Variants in AKT1 observed in about 807,000 individuals in gnomAD.
The protein encoded by AKT1 is RAC-alpha serine/threonine-protein kinase.
Under a neutral mutation model 63.1 loss-of-function variants are expected in AKT1, and 21 were observed. The ratio of observed to expected loss-of-function variants is 0.33; its 90% CI spans 0.24 to 0.48. The LOEUF is 0.48. Among genes scored for constraint, AKT1 ranks in the 20% least tolerant of loss-of-function variants. The probability of loss-of-function intolerance (pLI) is 0.99; values close to 1 mark genes in which losing one functional copy is unlikely to be tolerated. For missense variants in AKT1, 382 were observed against 666.0 expected (o/e 0.57, Z 4.69); for synonymous variants, 257 against 253.1 (o/e 1.02, Z -0.15).
intron 3 of AKT1, among the ~76,000 whole-genome samples, chr14:104,781,805 C>T (rs1160669205): frequency 1.3e-5 from 2 of 152,184 alleles, no homozygotes; most frequent in Non-Finnish European, 2.9e-5. Context: ...ACAGCCACAG[C>T]CCACTCATAG....
chr14:104,774,238 A>C, intron 8 of AKT1: 1 of 517,394 alleles, frequency 1.9e-6, no homozygotes, highest in African/African-American at 1.9e-5. Context: ...GCCCCACACC[A>C]CACTGCCCCA....
chr14:104,777,487 T>G (rs1280298867), intron 4 of AKT1: 2 of 958,922 alleles, frequency 2.1e-6, no homozygotes, highest in Non-Finnish European at 2.5e-6. Flanking sequence ...TAGCCACATC[T>G]GGGGCACACG....
chr14:104,771,182 GTTTTCTTAT>G, intron 13 of AKT1: 2 of 320,496 alleles, frequency 6.2e-6, no homozygotes, highest in Non-Finnish European at 5.8e-6. Context: ...TTTCTTTCTT[GTTTTCTTAT>G]TTTTCTTATT....
chr14:104,788,213 C>A (rs1279187500), intron 3 of AKT1, among the ~76,000 whole-genome samples: 1 of 152,180 alleles, frequency 6.6e-6, no homozygotes, highest in Non-Finnish European at 1.5e-5. Context: ...CTAGACGCAG[C>A]CTGGGGTTGA....
At chr14:104,774,066 CCA>C (rs1892562397) in intron 8 of AKT1, 86 bp from the exon 9 acceptor site, 1 of 1,330,824 alleles carries the variant, frequency 7.5e-7, no homozygotes, top group Non-Finnish European at 1.1e-6. Flanking sequence ...CTGCTTGATA[CCA>C]CGTCGCCTGA....
intron 3 of AKT1, among the ~76,000 whole-genome samples, chr14:104,782,890 G>A (rs566385051): frequency 3.9e-5 from 6 of 152,134 alleles, no homozygotes; most frequent in Admixed American, 6.5e-5. Context: ...GGATCACTTG[G>A]GGGGGTGCCA....
chr14:104,787,378 T>A (rs1595259526), intron 3 of AKT1, among the ~76,000 whole-genome samples: 1 of 151,966 alleles, frequency 6.6e-6, no homozygotes, highest in Non-Finnish European at 1.5e-5. Context: ...GCCATGGGAC[T>A]AGGCACAATG....
At chr14:104,773,632 T>C (rs1179365391) in intron 9 of AKT1, 52 bp from the exon 10 acceptor site, 3 of 1,564,872 alleles carry the variant, frequency 1.9e-6, no homozygotes, top group Non-Finnish European at 2.6e-6. Flanking sequence ...TCTGCCCCCA[T>C]GGCCTGCAGG....
At chr14:104,774,220 G>C in intron 8 of AKT1, 1 of 524,176 alleles carries the variant, frequency 1.9e-6, no homozygotes, top group East Asian at 3.4e-5. Flanking sequence ...CTGCCCCCAT[G>C]CCACGCTGCC....
intron 13 of AKT1, 155 bp from the exon 14 acceptor site, chr14:104,771,002 G>A (rs1002093714): frequency 7.7e-6 from 5 of 652,862 alleles, no homozygotes; most frequent in Non-Finnish European, 1.3e-5. Context: ...CCCCCACAGA[G>A]GCAGCTCTGG....
Position 104,791,116 on chromosome 14 carries a change from T to C in AKT1, c.46+1482A>G, listed in dbSNP as rs1346037932. Among the ~76,000 whole-genome samples, 4 of 152,110 alleles carry C rather than the reference T, an allele frequency of 2.6e-5. No individual in the cohort carries two copies. In the East Asian group the frequency reaches 7.7e-4, roughly 29 times the overall value. ...CCCCAGTAACTGGGGCCTGGGCCCC[T>C]GGGCAGTCAAGGCCCTGGCATCTCC... On this transcript the variant is annotated intron_variant, in intron 3 of 14. Coordinates refer to ENST00000649815, the MANE Select transcript of AKT1 (RefSeq NM_001382430.1).
intron 9 of AKT1, 88 bp downstream of exon 9, chr14:104,773,824 G>T: frequency 1.4e-6 from 2 of 1,384,142 alleles, no homozygotes; most frequent in South Asian, 1.2e-5. Flanking sequence ...TGGTGCCATG[G>T]AGAGTAGCCG....
At position 104,774,921 on chromosome 14, in the gene AKT1, T is replaced by C; in HGVS notation, c.633+17A>G. 1 of 1,607,248 alleles carries C rather than the reference T, an allele frequency of 6.2e-7. No individual in the cohort carries two copies. The highest frequency in any genetic ancestry group is 8.5e-7 in the Non-Finnish European group (1 of 1,177,530). ...ACCTGGCCCCAGCCCTTCAGCCCCATCTGGGCTCCCACTCACTGTGAGGAA... is the reference window on the plus strand; with the variant it reads ...ACCTGGCCCCAGCCCTTCAGCCCCACCTGGGCTCCCACTCACTGTGAGGAA... On this transcript the variant is annotated intron_variant, in intron 8 of 14. Coordinates refer to ENST00000649815, the MANE Select transcript of AKT1 (RefSeq NM_001382430.1).
rs1893830637 is a variant in AKT1, at chr14:104,795,231, C to T, written c.-258+253G>A. ...TCCCGGCCTCGCCCGGCGGAGCGGC[C>T]TCCCCAAGGTCATGAGGGAGGCTGG... is the stretch of plus-strand genomic sequence containing the variant. On this transcript the variant is annotated intron_variant, in intron 1 of 14. Coordinates refer to ENST00000649815, the MANE Select transcript of AKT1 (RefSeq NM_001382430.1). The surrounding 1 kb of genome is among the most constrained non-coding windows in gnomAD (Gnocchi z 5.1). Among the ~76,000 whole-genome samples, 1 of 151,652 alleles carries T rather than the reference C, an allele frequency of 6.6e-6. No homozygotes were observed. The highest frequency in any genetic ancestry group is 1.5e-5 in the Non-Finnish European group (1 of 67,852).
At chr14:104,774,679 C>T (rs906100415) in intron 8 of AKT1, 4 of 514,228 alleles carry the variant, frequency 7.8e-6, no homozygotes, top group Non-Finnish European at 6.9e-6. Context: ...CCTCCTGGAG[C>T]CTCGGCAGAG....
At chr14:104,775,589 C>T in intron 6 of AKT1, 63 bp downstream of exon 6, 1 of 1,573,948 alleles carries the variant, frequency 6.4e-7, no homozygotes. Flanking sequence ...ACCCCATGAC[C>T]CACCCAGCCC....
At chr14:104,785,337 T>C (rs1595257312) in intron 3 of AKT1, among the ~76,000 whole-genome samples, 1 of 151,700 alleles carries the variant, frequency 6.6e-6, no homozygotes, top group Non-Finnish European at 1.5e-5. Flanking sequence ...CAGGCTGGGG[T>C]GGGGGCAGGG....
At chr14:104,777,690 G>A (rs1892809819) in intron 4 of AKT1, 1 of 986,228 alleles carries the variant, frequency 1.0e-6, no homozygotes, top group Non-Finnish European at 1.2e-6. Flanking sequence ...CTCTGGCCCA[G>A]CCTGTGCAAA....
chr14:104,778,598 GC>G (rs1192773876), intron 4 of AKT1: 1 of 152,334 alleles, frequency 6.6e-6, no homozygotes, highest in African/African-American at 2.4e-5. Context: ...AAGCTTCAGG[GC>G]ACGGTTTGCT....
Sources: allele counts gnomAD v4.1 joint callset (sites outside exome capture counted in the v4.1 genomes callset), GRCh38; gene constraint gnomAD v4.1.1; non-coding constraint Gnocchi (gnomAD v3.1); transcripts MANE v1.5; gene names NCBI Gene and HGNC (gene_info 2026-07-23, HGNC 2026-07-21).